Variants in KLHL29 observed in about 807,000 individuals in gnomAD.
KLHL29 encodes the protein kelch like family member 29.
In KLHL29, 21 loss-of-function variants were observed where a neutral mutation model predicts 80.4. That is an observed-to-expected ratio of 0.26 (90% CI 0.19 to 0.38). KLHL29 has a LOEUF of 0.38. Among genes scored for constraint, KLHL29 ranks in the 10% least tolerant of loss-of-function variants. KLHL29 has a pLI of 1.00. For missense variants in KLHL29, 867 were observed against 1,223.9 expected, an observed-to-expected ratio of 0.71 and a Z score of 4.35; for synonymous variants, 511 against 526.8, an observed-to-expected ratio of 0.97 and a Z score of 0.41.
intron 5 of KLHL29, among the ~76,000 whole-genome samples, chr2:23,676,515 C>T (rs1670927768): frequency 2.0e-5 from 3 of 152,170 alleles, no homozygotes; most frequent in African/African-American, 7.2e-5. Context: ...TTACAGCCAG[C>T]CATGGTGGCT....
At chr2:23,587,222 A>G (rs1256915801) in intron 3 of KLHL29, among the ~76,000 whole-genome samples, 1 of 139,680 alleles carries the variant, frequency 7.2e-6, no homozygotes, top group Admixed American at 7.3e-5. Context: ...TTTCCTCCTT[A>G]TTTTCTTCCA....
intron 1 of KLHL29, among the ~76,000 whole-genome samples, chr2:23,393,199 A>C (rs1230251276): frequency 6.6e-6 from 1 of 152,238 alleles, no homozygotes; most frequent in Non-Finnish European, 1.5e-5. Context: ...AGAAGGTGTC[A>C]GATAACAGAC....
intron 3 of KLHL29, chr2:23,616,873 A>C (rs1398829739): frequency 6.6e-6 from 1 of 152,186 alleles, no homozygotes; most frequent in East Asian, 1.9e-4. Flanking sequence ...AGAAGAACAC[A>C]TGGAGATTCT....
At chr2:23,605,550 T>A (rs1668690632) in intron 3 of KLHL29, among the ~76,000 whole-genome samples, 1 of 152,160 alleles carries the variant, frequency 6.6e-6, no homozygotes, top group African/African-American at 2.4e-5. Flanking sequence ...TTGCCCTTCA[T>A]CTTCTCTCAG....
At chr2:23,421,949 G>A (rs1459383780) in intron 1 of KLHL29, among the ~76,000 whole-genome samples, 2 of 150,794 alleles carry the variant, frequency 1.3e-5, no homozygotes, top group African/African-American at 4.9e-5. Context: ...GTCTGCCTTT[G>A]TGTGTCTGTG....
At chr2:23,449,391 A>G (rs921376425) in intron 1 of KLHL29, among the ~76,000 whole-genome samples, 1 of 152,172 alleles carries the variant, frequency 6.6e-6, no homozygotes, top group Non-Finnish European at 1.5e-5. Flanking sequence ...AACAGTAGAC[A>G]TGTAATATTG....
At chr2:23,598,191 G>A (rs926539845) in intron 3 of KLHL29, among the ~76,000 whole-genome samples, 1 of 152,200 alleles carries the variant, frequency 6.6e-6, no homozygotes, top group Non-Finnish European at 1.5e-5. Flanking sequence ...CCAGGCATGA[G>A]TAAGTGCCTT....
intron 2 of KLHL29, among the ~76,000 whole-genome samples, chr2:23,478,299 C>T (rs974520607): frequency 6.6e-6 from 1 of 152,160 alleles, no homozygotes; most frequent in African/African-American, 2.4e-5. Flanking sequence ...TGTGCCCTCC[C>T]CTCACATGCA....
At chr2:23,572,889 A>T (rs559083749) in intron 3 of KLHL29, among the ~76,000 whole-genome samples, 1 of 152,156 alleles carries the variant, frequency 6.6e-6, no homozygotes, top group African/African-American at 2.4e-5. Flanking sequence ...TTTAGTAGAG[A>T]CGGGGTTTCA....
chr2:23,641,041 T>G (rs626589), intron 4 of KLHL29, among the ~76,000 whole-genome samples: 2 of 151,700 alleles, frequency 1.3e-5, no homozygotes, highest in South Asian at 2.1e-4. Flanking sequence ...TGTCTCCCCA[T>G]CCTCAGTGTA....
intron 2 of KLHL29, among the ~76,000 whole-genome samples, chr2:23,548,975 C>T (rs537788319): frequency 5.1e-4 from 77 of 152,314 alleles, no homozygotes; most frequent in Admixed American, 3.5e-3. Flanking sequence ...GGTCACTGAT[C>T]CCTTCCCCGC....
At chr2:23,643,918 T>A (rs1425520348) in intron 5 of KLHL29, 3 of 152,226 alleles carry the variant, frequency 2.0e-5, no homozygotes, top group Admixed American at 1.3e-4. Context: ...CCTTCCCACA[T>A]AAAACCCCTT....
chr2:23,428,548 T>A (rs1663067290), intron 1 of KLHL29, among the ~76,000 whole-genome samples: 1 of 152,114 alleles, frequency 6.6e-6, no homozygotes, highest in Non-Finnish European at 1.5e-5. Context: ...CCAGAGTGCA[T>A]CATACAGGTC....
chr2:23,574,475 G>A (rs1272070846), intron 3 of KLHL29, among the ~76,000 whole-genome samples: 5 of 152,124 alleles, frequency 3.3e-5, no homozygotes, highest in African/African-American at 7.2e-5. Flanking sequence ...GGGTGAACGC[G>A]CTTTATTAAA....
rs558392836 is a variant in KLHL29, at chr2:23,696,975, G to A, written c.2105+462G>A. Reference sequence around the variant, plus strand: ...GCCTCCTTGTCCTGCCAAGCGGGGGGTCCCACACCAGGGAGCTCCCTTCCT... The same window carrying A: ...GCCTCCTTGTCCTGCCAAGCGGGGGATCCCACACCAGGGAGCTCCCTTCCT... On this transcript the variant is annotated intron_variant, in intron 11 of 13. Transcript: ENST00000486442. The surrounding 1 kb of genome is among the most constrained non-coding windows in gnomAD (Gnocchi z 5.5). The A allele has an allele frequency of 1.1e-4, 18 of 162,012 alleles. No homozygotes were observed. Among genetic ancestry groups the A allele is most frequent in the East Asian group, 5.7e-4 (3 of 5,296 alleles). 10.0% of individuals were successfully genotyped at this position (162,012 alleles called of 1,614,324 possible). A position where few individuals can be genotyped will look rare whatever the true frequency, so the allele number is the denominator to read the frequency against.
intron 1 of KLHL29, among the ~76,000 whole-genome samples, chr2:23,406,692 T>A (rs1666746846): frequency 6.6e-6 from 1 of 152,176 alleles, no homozygotes; most frequent in South Asian, 2.1e-4. Context: ...GAGGGTAATA[T>A]TGAGCCTGTC....
intron 6 of KLHL29, among the ~76,000 whole-genome samples, chr2:23,686,099 A>G (rs1356412608): frequency 2.7e-5 from 4 of 149,782 alleles, no homozygotes; most frequent in African/African-American, 9.8e-5. Context: ...GGCTGAGAAG[A>G]GGGAGGAAGA....
chr2:23,479,293 C>A (rs1037097990), intron 2 of KLHL29, among the ~76,000 whole-genome samples: 2 of 151,658 alleles, frequency 1.3e-5, no homozygotes, highest in Admixed American at 1.3e-4. Context: ...GAACCCTCAG[C>A]CCTACACAGG....
intron 3 of KLHL29, among the ~76,000 whole-genome samples, chr2:23,623,805 GT>G (rs767913393): frequency 6.6e-6 from 1 of 152,232 alleles, no homozygotes; most frequent in Non-Finnish European, 1.5e-5. Flanking sequence ...GAGTAGGGTT[GT>G]ACAGCGTGGA....
Sources: allele counts gnomAD v4.1 joint callset (sites outside exome capture counted in the v4.1 genomes callset), GRCh38; gene constraint gnomAD v4.1.1; non-coding constraint Gnocchi (gnomAD v3.1); transcripts MANE v1.5; gene names NCBI Gene and HGNC (gene_info 2026-07-23, HGNC 2026-07-21).